Variants in DENND1B observed in about 807,000 individuals in gnomAD.
The protein encoded by DENND1B is DENN domain containing 1B.
A neutral mutation model predicts 90.1 loss-of-function variants in DENND1B; 59 were observed. The observed-to-expected ratio is 0.65, with a 90% CI of 0.53 to 0.81. The LOEUF (loss-of-function observed/expected upper bound fraction) is 0.81. Ranked by LOEUF, DENND1B falls within the 40% of genes least tolerant of loss-of-function variation. DENND1B has a pLI of 0.00. For synonymous variants in DENND1B, 337 were observed against 324.6 expected, an observed-to-expected ratio of 1.04 and a Z score of -0.41; for missense variants, 862 against 912.6, an observed-to-expected ratio of 0.94 and a Z score of 0.71.
chr1:197,566,824 G>A (rs1049840049), intron 15 of DENND1B, among the ~76,000 whole-genome samples: 2 of 151,958 alleles, frequency 1.3e-5, no homozygotes, highest in African/African-American at 4.8e-5. Context: ...TGGAAAAGGT[G>A]TATCTGAGCT....
chr1:197,597,172 TA>T (rs66788159), intron 13 of DENND1B, among the ~76,000 whole-genome samples: 23,762 of 151,764 alleles, frequency 0.16, 2,133 homozygotes, highest in Non-Finnish European at 0.2. Flanking sequence ...AATAAATGCA[TA>T]TTTTTTGGTA....
rs538097269 is a variant in DENND1B, at chr1:197,729,256, T to TAA, written c.83-14184_83-14183dup. Among the ~76,000 whole-genome samples the TAA allele has an allele frequency of 2.1e-3, 321 of 152,338 alleles. 2 individuals are homozygous for TAA. Among genetic ancestry groups the TAA allele is most frequent in the African/African-American group, 7.5e-3 (310 of 41,586 alleles). On this transcript the variant is annotated intron_variant, in intron 2 of 22. Coordinates refer to ENST00000620048, the MANE Select transcript of DENND1B (RefSeq NM_001195215.2). ...GTTTCAAATTTTAATGTACACTTCA[T>TAA]AAAGGCAGCTTTTTCAGTTTTTTAT...
intron 10 of DENND1B, among the ~76,000 whole-genome samples, chr1:197,631,143 C>T (rs772472659): frequency 6.6e-6 from 1 of 152,096 alleles, no homozygotes; most frequent in Admixed American, 6.6e-5. Flanking sequence ...TGTAACACTA[C>T]AACACTCCTC....
chr1:197,552,776 A>G, intron 16 of DENND1B: 1 of 1,274,444 alleles, frequency 7.8e-7, no homozygotes, highest in Non-Finnish European at 9.9e-7. Flanking sequence ...ATTTCCAGCA[A>G]TATTAAGAGA....
At chr1:197,760,318 G>T (rs1043094384) in intron 2 of DENND1B, among the ~76,000 whole-genome samples, 3 of 152,094 alleles carry the variant, frequency 2.0e-5, no homozygotes, top group Non-Finnish European at 4.4e-5. Flanking sequence ...AAACAAAATG[G>T]TCATTGTTAA....
At chr1:197,558,633 G>C (rs1055690813) in intron 15 of DENND1B, among the ~76,000 whole-genome samples, 5 of 151,718 alleles carry the variant, frequency 3.3e-5, no homozygotes, top group Non-Finnish European at 7.4e-5. Context: ...AGGGCACTCA[G>C]GTTTGCAGGT....
intron 10 of DENND1B, among the ~76,000 whole-genome samples, chr1:197,641,451 C>CT (rs1680261107): frequency 6.6e-6 from 1 of 152,120 alleles, no homozygotes; most frequent in African/African-American, 2.4e-5. Context: ...GTGTCATTGA[C>CT]TAGCACTTAT....
chr1:197,680,066 C>T (rs1226041751), intron 3 of DENND1B, among the ~76,000 whole-genome samples: 1 of 152,006 alleles, frequency 6.6e-6, no homozygotes, highest in Non-Finnish European at 1.5e-5. Context: ...GGAAGGATTG[C>T]TTCAGCCCTG....
intron 2 of DENND1B, among the ~76,000 whole-genome samples, chr1:197,722,036 T>C (rs1250999025): frequency 6.6e-6 from 1 of 152,164 alleles, no homozygotes; most frequent in Non-Finnish European, 1.5e-5. Flanking sequence ...AAGATAGATG[T>C]CCTTTTGTAC....
chr1:197,780,327 CTTTT>C (rs1265410957), upstream of DENND1B, among the ~76,000 whole-genome samples: 3 of 134,126 alleles, frequency 2.2e-5, no homozygotes. Context: ...GGTGGCTTTT[CTTTT>C]TTTTTTTTTT....
intron 15 of DENND1B, among the ~76,000 whole-genome samples, chr1:197,554,432 TC>T (rs920521690): frequency 6.6e-6 from 1 of 152,086 alleles, no homozygotes; most frequent in African/African-American, 2.4e-5. Flanking sequence ...AAGTAGCTGG[TC>T]TTTAAAAAGA....
At chr1:197,527,734 G>A (rs1669249262) in intron 20 of DENND1B, among the ~76,000 whole-genome samples, 1 of 152,028 alleles carries the variant, frequency 6.6e-6, no homozygotes, top group East Asian at 1.9e-4. Flanking sequence ...TTTTGTAAAC[G>A]TTTATTTTAC....
intron 13 of DENND1B, among the ~76,000 whole-genome samples, chr1:197,604,429 T>C (rs139111289): frequency 1.9e-4 from 29 of 151,286 alleles, no homozygotes; most frequent in Admixed American, 8.6e-4. Flanking sequence ...TGTGTGAATA[T>C]TGGAATGAAG....
intron 3 of DENND1B, among the ~76,000 whole-genome samples, chr1:197,695,570 A>C (rs1269747169): frequency 6.6e-6 from 1 of 151,066 alleles, no homozygotes; most frequent in East Asian, 1.9e-4. Context: ...CAGGGTTAGA[A>C]AAAGGAGTTT....
intron 3 of DENND1B, among the ~76,000 whole-genome samples, chr1:197,714,594 T>G (rs1012769059): frequency 5.9e-5 from 9 of 152,172 alleles, no homozygotes; most frequent in Admixed American, 2.0e-4. Context: ...CTTCTATATG[T>G]AAATGACTCA....
intron 3 of DENND1B, among the ~76,000 whole-genome samples, chr1:197,699,511 C>T (rs1658801156): frequency 6.6e-6 from 1 of 152,106 alleles, no homozygotes; most frequent in African/African-American, 2.4e-5. Context: ...GACAAGGATG[C>T]CCTCTCTCAC....
intron 11 of DENND1B, among the ~76,000 whole-genome samples, 199 bp from the exon 12 acceptor site, chr1:197,612,175 T>C (rs933144836): frequency 5.3e-5 from 8 of 150,694 alleles, no homozygotes; most frequent in African/African-American, 1.9e-4. Context: ...AAAATTAAGA[T>C]TGCTTTTTAT....
rs78002233 is a variant in DENND1B, at chr1:197,608,692, C to T, written c.820-1518G>A. Reference sequence around the variant, plus strand: ...TTGTTAAGGGATAAAATGAGTTAGTCTGTAAATAGCCTAAGATAAAGCTAT... The same window carrying T: ...TTGTTAAGGGATAAAATGAGTTAGTTTGTAAATAGCCTAAGATAAAGCTAT... On this transcript the variant is annotated intron_variant, in intron 12 of 22. Transcript: ENST00000620048. Among the ~76,000 whole-genome samples the T allele has an allele frequency of 5.9e-3, 888 of 150,530 alleles. 13 individuals are homozygous for T. The highest frequency in any genetic ancestry group is 0.02 in the African/African-American group (830 of 41,326).
At chr1:197,680,651 T>C (rs950692430) in intron 3 of DENND1B, among the ~76,000 whole-genome samples, 4 of 152,172 alleles carry the variant, frequency 2.6e-5, no homozygotes, top group Non-Finnish European at 5.9e-5. Flanking sequence ...AAGTATGTGT[T>C]TTATTGAAAA....
Sources: allele counts gnomAD v4.1 joint callset (sites outside exome capture counted in the v4.1 genomes callset), GRCh38; gene constraint gnomAD v4.1.1; transcripts MANE v1.5; gene names NCBI Gene and HGNC (gene_info 2026-07-23, HGNC 2026-07-21).